SEPTIN8: variants seen among roughly 807,000 people sequenced by gnomAD.
SEPTIN8 encodes the protein septin-8.
In SEPTIN8, 22 loss-of-function variants were observed where a neutral mutation model predicts 53.1. The ratio of observed to expected loss-of-function variants is 0.41; its 90% CI spans 0.30 to 0.59. The LOEUF is 0.59. Among genes scored for constraint, SEPTIN8 ranks in the 20% least tolerant of loss-of-function variants. The pLI is 0.24. For missense variants in SEPTIN8, 536 were observed against 638.7 expected (o/e 0.84, Z 1.73); for synonymous variants, 228 against 248.4 (o/e 0.92, Z 0.77).
At chr5:132,768,415 C>T (rs963040936) in intron 1 of SEPTIN8, among the ~76,000 whole-genome samples, 2 of 152,176 alleles carry the variant, frequency 1.3e-5, no homozygotes, top group African/African-American at 2.4e-5. Flanking sequence ...CAGGCTTTAC[C>T]GAGGGGTAAC....
At chr5:132,778,248 T>C (rs42402), upstream of SEPTIN8, 65,543 of 249,286 alleles carry the variant, frequency 0.26, 17,946 homozygotes, top group African/African-American at 0.8. Context: ...CCCACTGGCC[T>C]CATCCCAGGT....
At position 132,765,412 on chromosome 5, in the gene SEPTIN8, C is replaced by T. The variant is rs1581170364; in HGVS notation, c.148G>A (p.Val50Met). Residue 50 changes from valine to methionine, a missense_variant, in exon 2 of 10, where the codon GTG becomes ATG. By Grantham distance (21) the Val-to-Met change is conservative. Transcript: ENST00000378719. The stretch of plus-strand genomic sequence containing the variant: ...GAGGCCAGGCCCTGACACTCACCCA[C>T]ACAGAGGATGTTGAAGCTGAAGCCC... ...TQGFSFNILC[V>M]GETGIGKSTL... The T allele has an allele frequency of 8.1e-6, 13 of 1,613,658 alleles. No homozygotes were observed. In the East Asian group the frequency reaches 2.7e-4, roughly 33 times the overall value.
intron 1 of SEPTIN8, among the ~76,000 whole-genome samples, chr5:132,770,408 G>A (rs1301791715): frequency 6.6e-6 from 1 of 151,996 alleles, no homozygotes; most frequent in East Asian, 1.9e-4. Context: ...TTGAACTCCT[G>A]ACCTCAGGTG....
Position 132,773,682 on chromosome 5 carries a change from T to C in SEPTIN8, c.30+3426A>G, listed in dbSNP as rs1757529643. Among the ~76,000 whole-genome samples the C allele has an allele frequency of 6.6e-6, 1 of 152,212 alleles. No individual in the cohort carries two copies. The highest frequency in any genetic ancestry group is 2.4e-5 in the African/African-American group (1 of 41,464). On this transcript the variant is annotated intron_variant, in intron 1 of 9. Transcript: ENST00000378719. This position sits in a 1 kb window ranked among gnomAD's most constrained non-coding sequence, Gnocchi z 4.2. ...AAGGTTTTTGACACAAGTCAGACCC[T>C]GGGTTCCCAGGCTCCATCCAGTCTC...
chr5:132,767,943 CCACA>C (rs57640097), intron 1 of SEPTIN8, among the ~76,000 whole-genome samples: 3,194 of 127,942 alleles, frequency 0.025, 129 homozygotes, highest in African/African-American at 0.086. Context: ...TGTCTGGAAA[CCACA>C]CACACACACA....
At chr5:132,765,356 C>A in intron 2 of SEPTIN8, 53 bp downstream of exon 2, 1 of 1,602,100 alleles carries the variant, frequency 6.2e-7, no homozygotes, top group Non-Finnish European at 8.5e-7. Flanking sequence ...AGCACCCCCT[C>A]TCCCAGGAGG....
chr5:132,756,897 G>A, intron 9 of SEPTIN8: 1 of 985,420 alleles, frequency 1.0e-6, no homozygotes, highest in Non-Finnish European at 1.2e-6. Flanking sequence ...CAATGAACCT[G>A]CTGGGTCACC....
intron 1 of SEPTIN8, chr5:132,774,310 C>G (rs2150006325): frequency 1.2e-5 from 2 of 163,402 alleles, no homozygotes; most frequent in South Asian, 4.1e-4. Context: ...CTCAGCTTCA[C>G]TTTCCCCAAG....
At chr5:132,752,467 G>C (rs1292568431) in intron 9 of SEPTIN8, among the ~76,000 whole-genome samples, 2 of 152,154 alleles carry the variant, frequency 1.3e-5, no homozygotes, top group Non-Finnish European at 2.9e-5. Flanking sequence ...GTAGCCAAGA[G>C]GACTGTGGGG....
intron 9 of SEPTIN8, chr5:132,756,166 A>T: frequency 1.0e-6 from 1 of 985,468 alleles, no homozygotes; most frequent in Non-Finnish European, 1.2e-6. Context: ...CAGGCCTCGT[A>T]TCCATGAGCC....
intron 4 of SEPTIN8, among the ~76,000 whole-genome samples, 183 bp downstream of exon 4, chr5:132,763,523 T>C (rs1393694116): frequency 2.0e-5 from 3 of 152,034 alleles, no homozygotes; most frequent in Non-Finnish European, 4.4e-5. Context: ...GCCCAGAGCA[T>C]TGGGGGCCAC....
chr5:132,751,560 A>T lies in SEPTIN8; in HGVS notation c.*456T>A, dbSNP rs41298944. ...TTTTGGTTTGTTATGAAGCATGAAG[A>T]TTAAATTACTAAAGACTGTTTCATT... On this transcript the variant is annotated 3_prime_UTR_variant, in exon 10 of 10. Coordinates refer to ENST00000378719, the MANE Select transcript of SEPTIN8 (RefSeq NM_001098811.2). 137 of 235,194 alleles carry T rather than the reference A, an allele frequency of 5.8e-4. No individual in the cohort carries two copies. The highest frequency in any genetic ancestry group is 9.8e-4 in the Non-Finnish European group (119 of 121,220). 14.6% of individuals were successfully genotyped at this position (235,194 alleles called of 1,614,324 possible).
At chr5:132,757,338 G>A (rs921039439) in intron 9 of SEPTIN8, 43 of 985,424 alleles carry the variant, frequency 4.4e-5, no homozygotes, top group Middle Eastern at 5.2e-4. Flanking sequence ...CTTCCTGGCC[G>A]TGCCTCGGTG....
intron 9 of SEPTIN8, chr5:132,758,839 T>C: frequency 6.2e-7 from 1 of 1,612,494 alleles, no homozygotes; most frequent in South Asian, 1.1e-5. Context: ...AAAATAAAAA[T>C]AAAACAAACA....
rs1386099028 is a variant in SEPTIN8, at chr5:132,757,622, C to G, written c.1286+3180G>C. 3.0e-6 allele frequency: 3 copies of G among 985,292 alleles called. No homozygotes were observed. In the African/African-American group the frequency reaches 5.2e-5, roughly 17 times the overall value. The allele number at this position is 985,292 out of a possible 1,614,324, so 61.0% of individuals were successfully genotyped here. Reference sequence around the variant, plus strand: ...TCCTCTGGGTAGCTCCAGTGCCCAGCACGGTGCTTCAACATTAAAACTACC... The same window carrying G: ...TCCTCTGGGTAGCTCCAGTGCCCAGGACGGTGCTTCAACATTAAAACTACC... On this transcript the variant is annotated intron_variant, in intron 9 of 9. Transcript: ENST00000378719.
chr5:132,756,760 C>T, intron 9 of SEPTIN8: 1 of 985,454 alleles, frequency 1.0e-6, no homozygotes, highest in Non-Finnish European at 1.2e-6. Flanking sequence ...AGGCAGCCAG[C>T]CACGAGTATG....
In SEPTIN8 at chr5:132,762,354, C is replaced by T. The variant is rs960402117; in HGVS notation, c.696+130G>A. On this transcript the variant is annotated intron_variant, in intron 5 of 9. Coordinates refer to ENST00000378719, the MANE Select transcript of SEPTIN8 (RefSeq NM_001098811.2). ...ATGTAGGACTGGCCAGCTCCAGATG[C>T]CCACCCTTCTGTCCTGGAGAAGCTA... 1.6e-5 allele frequency: 14 copies of T among 887,104 alleles called. No individual in the cohort carries two copies. The East Asian group carries it at 3.0e-4, about 19-fold the overall frequency. 55.0% of individuals were successfully genotyped at this position (887,104 alleles called of 1,614,324 possible).
In SEPTIN8 at chr5:132,760,829, G is replaced by C; in HGVS notation, c.1259C>G (p.Pro420Arg). 1 of 1,613,846 alleles carries C rather than the reference G, an allele frequency of 6.2e-7. No individual in the cohort carries two copies. Among genetic ancestry groups the C allele is most frequent in the South Asian group, 1.1e-5 (1 of 91,082 alleles). ...SQALHATSQQ[P>R]LRKDKDKKNR... ...CTTCTTGTCCTTGTCCTTCCTCAGGGGCTGCTGCGAGGTGGCGTGCAAGGC... is the reference window on the plus strand; with the variant it reads ...CTTCTTGTCCTTGTCCTTCCTCAGGCGCTGCTGCGAGGTGGCGTGCAAGGC... Residue 420 changes from proline (P) to arginine (R), a missense_variant, in exon 9 of 10, where the codon CCC becomes CGC. Pro to Arg is a moderately radical substitution (Grantham distance 103, BLOSUM62 -2). Coordinates refer to ENST00000378719, the MANE Select transcript of SEPTIN8 (RefSeq NM_001098811.2). The surrounding 1 kb of genome is among the most constrained non-coding windows in gnomAD (Gnocchi z 5.2).
chr5:132,764,458 T>A, intron 2 of SEPTIN8, 39 bp from the exon 3 acceptor site: 1 of 1,555,712 alleles, frequency 6.4e-7, no homozygotes, highest in Non-Finnish European at 8.8e-7. Context: ...GTGGGTGTCA[T>A]AGGCTGGAAA....
Sources: allele counts gnomAD v4.1 joint callset (sites outside exome capture counted in the v4.1 genomes callset), GRCh38; gene constraint gnomAD v4.1.1; non-coding constraint Gnocchi (gnomAD v3.1); transcripts MANE v1.5; gene names NCBI Gene and HGNC (gene_info 2026-07-23, HGNC 2026-07-21).